FOXP2: variants seen among roughly 807,000 people sequenced by gnomAD.
FOXP2 encodes the protein forkhead box protein P2.
FOXP2 carries 12 observed loss-of-function variants against 115.8 expected under a neutral mutation model. The observed-to-expected ratio is 0.10, with a 90% CI of 0.07 to 0.17. The LOEUF is 0.17. FOXP2 is among the 10% of genes least tolerant of loss of function. FOXP2 has a pLI of 1.00. For synonymous variants in FOXP2, 328 were observed against 297.7 expected (o/e 1.10, Z -1.05); for missense variants, 629 against 843.5 (o/e 0.75, Z 3.15).
chr7:114,570,404 G>T (rs1016920436), intron 3 of FOXP2, among the ~76,000 whole-genome samples: 1 of 151,702 alleles, frequency 6.6e-6, no homozygotes, highest in Non-Finnish European at 1.5e-5. Context: ...CAAGTCAGAG[G>T]TTTGCTTTTT....
intron 16 of FOXP2, among the ~76,000 whole-genome samples, chr7:114,685,311 C>A (rs557195791): frequency 2.7e-4 from 41 of 152,092 alleles, no homozygotes; most frequent in Admixed American, 2.1e-3. Flanking sequence ...TTCTTTAATA[C>A]ATAGTATTAG....
chr7:114,411,375 A>T (rs1333808697), upstream of FOXP2, among the ~76,000 whole-genome samples: 1 of 152,256 alleles, frequency 6.6e-6, no homozygotes, highest in East Asian at 1.9e-4. Context: ...CTCAAATCAG[A>T]CACACATTTG....
chr7:114,502,657 G>A (rs1175498412), intron 2 of FOXP2, among the ~76,000 whole-genome samples: 3 of 151,940 alleles, frequency 2.0e-5, no homozygotes, highest in Non-Finnish European at 2.9e-5. Flanking sequence ...AACTAAACAG[G>A]CTGGTGTTTT....
At chr7:114,665,892 G>A (rs563761985) in intron 16 of FOXP2, 11 of 152,148 alleles carry the variant, frequency 7.2e-5, no homozygotes, top group African/African-American at 2.6e-4. Flanking sequence ...CAGTTCTCCT[G>A]AGTATGCTAA....
At position 114,267,309 on chromosome 7, in the gene FOXP2, A is replaced by G. The variant is rs116686922; in HGVS notation, c.-101-20710A>G. Among the ~76,000 whole-genome samples, 400 of 152,256 alleles carry G rather than the reference A, an allele frequency of 2.6e-3. 3 individuals are homozygous for G. Among genetic ancestry groups the G allele is most frequent in the African/African-American group, 9.2e-3 (384 of 41,542 alleles). On this transcript the variant is annotated intron_variant, in intron 1 of 17. Coordinates refer to the FOXP2 transcript ENST00000634411. The stretch of plus-strand genomic sequence containing the variant: ...GAACAACTTTTTGCAAGTATCGCCA[A>G]ATTCAAAGAACATCTTCCATTACTT...
At chr7:114,562,517 T>C (rs1196109914) in intron 3 of FOXP2, among the ~76,000 whole-genome samples, 1 of 152,180 alleles carries the variant, frequency 6.6e-6, no homozygotes, top group Non-Finnish European at 1.5e-5. Context: ...AAACTTATAT[T>C]AGCATCTCTG....
intron 4 of FOXP2, chr7:114,629,501 A>G (rs1193214508): frequency 7.3e-6 from 8 of 1,098,678 alleles, no homozygotes; most frequent in Admixed American, 2.2e-5. Flanking sequence ...CCTAGTTTTT[A>G]TGTGTCAGTA....
chr7:114,599,109 T>G (rs1802880341), intron 3 of FOXP2, among the ~76,000 whole-genome samples: 1 of 151,430 alleles, frequency 6.6e-6, no homozygotes, highest in African/African-American at 2.4e-5. Context: ...CCAGTAAGAG[T>G]GGTGAATGGA....
intron 1 of FOXP2, among the ~76,000 whole-genome samples, chr7:114,220,985 T>C (rs1406554916): frequency 1.3e-5 from 2 of 152,174 alleles, no homozygotes; most frequent in Non-Finnish European, 2.9e-5. Flanking sequence ...AGCATAATAG[T>C]ATGACAGATT....
chr7:114,328,084 C>G (rs1487876519), intron 2 of FOXP2, among the ~76,000 whole-genome samples: 1 of 151,284 alleles, frequency 6.6e-6, no homozygotes, highest in Non-Finnish European at 1.5e-5. Context: ...CCATATTTGG[C>G]TAATTTTTTT....
chr7:114,278,577 C>T (rs1796251199), intron 1 of FOXP2, among the ~76,000 whole-genome samples: 1 of 152,156 alleles, frequency 6.6e-6, no homozygotes, highest in Non-Finnish European at 1.5e-5. Context: ...TGGTCTTGAA[C>T]TCCTGACCTC....
At chr7:114,198,983 C>T (rs1408016893) in intron 1 of FOXP2, among the ~76,000 whole-genome samples, 1 of 152,144 alleles carries the variant, frequency 6.6e-6, no homozygotes, top group Non-Finnish European at 1.5e-5. Context: ...AGATTAGTCT[C>T]ACTGCATTAT....
rs145108051 is a variant in FOXP2 at position 114,275,509 on chromosome 7, T to G, written c.-101-12510T>G. 3.3e-3 allele frequency among the ~76,000 whole-genome samples: 502 copies of G among 152,246 alleles called. 4 individuals carry two copies. The highest frequency in any genetic ancestry group is 0.012 in the African/African-American group (480 of 41,560). ...TACAGCAGTTTTTTAAATCTCTAGT[T>G]TTCTTTTTGTTTGTTTTTTGTTGTT... On this transcript the variant is annotated intron_variant, in intron 1 of 17. Transcript: ENST00000634411.
chr7:114,294,990 G>T (rs1796707194), intron 2 of FOXP2, among the ~76,000 whole-genome samples: 1 of 151,706 alleles, frequency 6.6e-6, no homozygotes, highest in Admixed American at 6.6e-5. Flanking sequence ...TGTGATGATA[G>T]AATTTGGACA....
At chr7:114,116,091 T>C (rs886131014) in intron 1 of FOXP2, among the ~76,000 whole-genome samples, 1 of 152,170 alleles carries the variant, frequency 6.6e-6, no homozygotes, top group Non-Finnish European at 1.5e-5. Context: ...AATTTTAAAA[T>C]AGACAGAGTA....
At chr7:114,152,656 T>TGTA (rs2129149039) in intron 1 of FOXP2, among the ~76,000 whole-genome samples, 1 of 152,264 alleles carries the variant, frequency 6.6e-6, no homozygotes, top group South Asian at 2.1e-4. Context: ...ATTTCTGTTG[T>TGTA]GTAGTCAAGG....
chr7:114,586,219 A>G (rs1304659381), intron 3 of FOXP2, among the ~76,000 whole-genome samples: 3 of 152,318 alleles, frequency 2.0e-5, no homozygotes, highest in Admixed American at 6.5e-5. Flanking sequence ...GAACTATACT[A>G]TTAAGAACTT....
intron 1 of FOXP2, among the ~76,000 whole-genome samples, chr7:114,136,298 A>G (rs930699433): frequency 6.6e-6 from 1 of 152,032 alleles, no homozygotes; most frequent in East Asian, 1.9e-4. Flanking sequence ...GATTATATCA[A>G]CCTTGGTTTA....
chr7:114,374,982 G>A (rs1048474423), intron 2 of FOXP2, among the ~76,000 whole-genome samples: 2 of 152,042 alleles, frequency 1.3e-5, no homozygotes. Flanking sequence ...CAAGGGTGGG[G>A]GCGGTCCAGG....
Sources: gnomAD v4.1 joint callset for allele counts (sites outside exome capture counted in the v4.1 genomes callset) on GRCh38, gnomAD v4.1.1 for gene constraint, MANE v1.5 for transcripts, NCBI Gene and HGNC (gene_info 2026-07-23, HGNC 2026-07-21) for gene names.